The following SOX5 variants were observed in gnomAD, a reference collection of about 807,000 sequenced individuals.
The protein encoded by SOX5 is SRY-box transcription factor 5, also known as transcription factor SOX-5.
Under a neutral mutation model 92.0 loss-of-function variants are expected in SOX5, and 9 were observed. That is an observed-to-expected ratio of 0.10 (90% CI 0.06 to 0.17). The LOEUF (loss-of-function observed/expected upper bound fraction) is 0.17. Ranked by LOEUF, SOX5 falls within the 10% of genes least tolerant of loss-of-function variation. The probability of loss-of-function intolerance (pLI) is 1.00; values close to 1 mark genes in which losing one functional copy is unlikely to be tolerated. For missense variants in SOX5, 642 were observed against 944.5 expected, an observed-to-expected ratio of 0.68 and a Z score of 4.20; for synonymous variants, 344 against 336.3, an observed-to-expected ratio of 1.02 and a Z score of -0.25.
At chr12:24,343,250 G>A (rs943181960) in intron 2 of SOX5, among the ~76,000 whole-genome samples, 3 of 151,210 alleles carry the variant, frequency 2.0e-5, no homozygotes, top group Admixed American at 6.6e-5. Context: ...TTCTCTACAG[G>A]TTCTTCTGTC....
Position 24,426,148 on chromosome 12 carries a change from C to T in SOX5, c.-250-57509G>A, listed in dbSNP as rs555355236. Among the ~76,000 whole-genome samples, 9 of 152,074 alleles carry T rather than the reference C, an allele frequency of 5.9e-5. No individual in the cohort carries two copies. In the East Asian group the frequency reaches 1.4e-3, roughly 23 times the overall value. ...TCAGGAGGCAGAGGTTGCAGTGAGCCGAGATTGTGCCACTGCACTCCAGCC... is the reference window on the plus strand; with the variant it reads ...TCAGGAGGCAGAGGTTGCAGTGAGCTGAGATTGTGCCACTGCACTCCAGCC... On this transcript the variant is annotated intron_variant, in intron 1 of 4. Coordinates refer to the SOX5 transcript ENST00000446891.
intron 1 of SOX5, among the ~76,000 whole-genome samples, chr12:24,424,819 G>GGGA (rs1555286241): frequency 2.1e-5 from 3 of 143,566 alleles, no homozygotes; most frequent in Non-Finnish European, 4.6e-5. Context: ...GGGGGGGGGG[G>GGGA]ATGGCTGTTT....
intron 3 of SOX5, among the ~76,000 whole-genome samples, chr12:24,221,688 T>A (rs527538653): frequency 3.9e-5 from 6 of 152,302 alleles, no homozygotes; most frequent in African/African-American, 1.4e-4. Flanking sequence ...CAGCTTACAG[T>A]CTGGTGAGTA....
intron 2 of SOX5, among the ~76,000 whole-genome samples, chr12:24,319,602 C>T (rs555597353): frequency 5.3e-5 from 8 of 152,254 alleles, no homozygotes; most frequent in African/African-American, 4.8e-5. Flanking sequence ...AAGTAATCTC[C>T]GGAGTGGTTT....
At position 24,008,067 on chromosome 12, in the gene SOX5, T is replaced by G. The variant is rs1031694899; in HGVS notation, c.-1-112043A>C. ...AGAAACGTCTATAGAGAGAAATAAC[T>G]ATAGAGACCAGGAATATCTGAAACA... is the stretch of plus-strand genomic sequence containing the variant. On this transcript the variant is annotated intron_variant, in intron 4 of 4. Coordinates refer to the SOX5 transcript ENST00000446891. Among the ~76,000 whole-genome samples the G allele has an allele frequency of 2.6e-5, 4 of 152,132 alleles. No individual in the cohort carries two copies. The East Asian group carries it at 7.7e-4, about 29-fold the overall frequency.
chr12:24,368,162 C>T (rs952225700), intron 2 of SOX5: 1 of 152,052 alleles, frequency 6.6e-6, no homozygotes, highest in Non-Finnish European at 1.5e-5. Context: ...AATAAAGTAA[C>T]CAATAAAAAG....
At chr12:24,264,613 T>C (rs957265621) in intron 3 of SOX5, among the ~76,000 whole-genome samples, 14 of 152,308 alleles carry the variant, frequency 9.2e-5, no homozygotes, top group African/African-American at 3.1e-4. Context: ...CTGCATCCTT[T>C]CGTTAGAATA....
At chr12:24,383,433 T>C (rs1958035126) in intron 1 of SOX5, among the ~76,000 whole-genome samples, 1 of 152,244 alleles carries the variant, frequency 6.6e-6, no homozygotes, top group African/African-American at 2.4e-5. Flanking sequence ...TTCTGTGGTT[T>C]CAACTAACTA....
rs950064294 is a variant in SOX5, at chr12:23,534,042, T to C, written c.*177A>G. 5 of 565,278 alleles carry C rather than the reference T, an allele frequency of 8.8e-6. No homozygotes were observed. The highest frequency in any genetic ancestry group is 1.3e-5 in the Non-Finnish European group (4 of 318,834). 35.0% of individuals were successfully genotyped at this position (565,278 alleles called of 1,614,324 possible). ...GTTGTTTGCTTGTTGTATTTGTTTT[T>C]TCTTTCCAAGCCTTTTGAGGCTGAG... On this transcript the variant is annotated 3_prime_UTR_variant, in exon 15 of 15. Coordinates refer to ENST00000451604, the MANE Select transcript of SOX5 (RefSeq NM_006940.6).
intron 7 of SOX5, among the ~76,000 whole-genome samples, chr12:23,658,853 A>G (rs900110293): frequency 6.6e-6 from 1 of 152,234 alleles, no homozygotes; most frequent in Non-Finnish European, 1.5e-5. Context: ...AGATCGTGCC[A>G]TTGCACTCCA....
chr12:24,022,919 G>T (rs917154752), intron 4 of SOX5, among the ~76,000 whole-genome samples: 1 of 104,366 alleles, frequency 9.6e-6, no homozygotes, highest in Admixed American at 9.8e-5. Flanking sequence ...TCTGACCATG[G>T]GTAAAAAAAA....
chr12:23,792,009 T>C (rs1370317253), intron 3 of SOX5, among the ~76,000 whole-genome samples: 2 of 152,078 alleles, frequency 1.3e-5, no homozygotes, highest in African/African-American at 2.4e-5. Flanking sequence ...CTAAGATTTA[T>C]TCTTTAATTT....
At chr12:23,704,096 T>C (rs914544426) in intron 6 of SOX5, among the ~76,000 whole-genome samples, 7 of 151,892 alleles carry the variant, frequency 4.6e-5, no homozygotes, top group African/African-American at 1.7e-4. Flanking sequence ...ACATAATTAA[T>C]TATCATTACC....
At chr12:24,453,762 C>A (rs149918478) in intron 1 of SOX5, among the ~76,000 whole-genome samples, 6 of 152,274 alleles carry the variant, frequency 3.9e-5, no homozygotes, top group Non-Finnish European at 7.4e-5. Context: ...TAACTGGTAG[C>A]AAGCTTAGAT....
At chr12:24,345,476 T>G (rs1177358437) in intron 2 of SOX5, among the ~76,000 whole-genome samples, 1 of 152,214 alleles carries the variant, frequency 6.6e-6, no homozygotes, top group Non-Finnish European at 1.5e-5. Context: ...CTTGCTCTAT[T>G]GTTTCATGTT....
At chr12:23,656,255 C>T (rs745354932) in intron 7 of SOX5, among the ~76,000 whole-genome samples, 7 of 151,774 alleles carry the variant, frequency 4.6e-5, no homozygotes, top group African/African-American at 1.7e-4. Context: ...CTTATGAATG[C>T]TAATTCACAG....
chr12:23,697,681 G>T (rs186185033), intron 6 of SOX5, among the ~76,000 whole-genome samples: 11 of 152,218 alleles, frequency 7.2e-5, no homozygotes, highest in Admixed American at 6.5e-4. Context: ...CTCACGAGCA[G>T]CTGGGATTAC....
Position 23,575,827 on chromosome 12 carries a change from T to C in SOX5, c.1176A>G (p.Ala392=). 6.4e-7 allele frequency: 1 copy of C among 1,569,746 alleles called. No homozygotes were observed. The highest frequency in any genetic ancestry group is 8.6e-7 in the Non-Finnish European group (1 of 1,160,274). The change falls in exon 10 of 15, where the codon GCA becomes GCG. Residue 392 remains alanine (A), a synonymous_variant. Transcript: ENST00000451604. ...SPPPKSKDEV[A]QPLNLSAKPK... is the part of the protein sequence containing the mutation. ...GTTTAGCTGATAGGTTCAGTGGCTG[T>C]GCCACTTCATCCTGCAATGATCATT...
intron 6 of SOX5, among the ~76,000 whole-genome samples, chr12:23,710,941 T>C (rs2091992113): frequency 6.6e-6 from 1 of 152,168 alleles, no homozygotes; most frequent in South Asian, 2.1e-4. Flanking sequence ...TTCTAACTGG[T>C]GTGAGATGGT....
Sources: gnomAD v4.1 joint callset for allele counts (sites outside exome capture counted in the v4.1 genomes callset) on GRCh38, gnomAD v4.1.1 for gene constraint, MANE v1.5 for transcripts, NCBI Gene and HGNC (gene_info 2026-07-23, HGNC 2026-07-21) for gene names.